Variants in SYNE4 observed in about 807,000 individuals in gnomAD.
SYNE4 encodes spectrin repeat containing nuclear envelope family member 4.
A neutral mutation model predicts 46.9 loss-of-function variants in SYNE4; 41 were observed. The ratio of observed to expected loss-of-function variants is 0.87; its 90% confidence interval spans 0.68 to 1.13. The LOEUF is 1.13. Among genes scored for constraint, SYNE4 ranks in the 50% most tolerant of loss-of-function variants. The pLI is 0.00. For missense variants in SYNE4, 492 were observed against 514.8 expected, an observed-to-expected ratio of 0.96 and a Z score of 0.43; for synonymous variants, 221 against 219.5, an observed-to-expected ratio of 1.01 and a Z score of -0.06.
chr19:36,008,640 C>A lies in SYNE4; in HGVS notation c.42G>T (p.Glu14Asp). The change falls in exon 1 of 8, where the codon GAG (glutamate) becomes GAT (aspartate). Residue 14 changes from glutamate to aspartate, a missense_variant. Glu to Asp is a conservative substitution (Grantham distance 45). Transcript: ENST00000324444. ...GTGCTCCCGGTGGGTGGTTGAGGGG[C>A]TCTGAGCCAAGTCTAGGGCCCAGAG... ...SLPLGPRLGS[E>D]PLNHPPGAPR... 6.2e-7 allele frequency: 1 copy of A among 1,613,948 alleles called. No individual in the cohort carries two copies. The highest frequency in any genetic ancestry group is 8.5e-7 in the Non-Finnish European group (1 of 1,179,906).
At chr19:36,006,192 C>A in intron 5 of SYNE4, 2 of 537,586 alleles carry the variant, frequency 3.7e-6, no homozygotes, top group Non-Finnish European at 6.1e-6. Flanking sequence ...GTGAGTGGGG[C>A]ATCATCTGGG....
rs896081870 is a variant in SYNE4 at position 36,006,950 on chromosome 19, G to A, written c.424-6C>T. The A allele has an allele frequency of 2.6e-6, 4 of 1,542,778 alleles. No homozygotes were observed. Among genetic ancestry groups the A allele is most frequent in the Non-Finnish European group, 2.6e-6 (3 of 1,142,760 alleles). On this transcript the variant is annotated splice_polypyrimidine_tract_variant and splice_region_variant and intron_variant, in intron 3 of 7. Transcript: ENST00000324444. ...CGTAGGTCCACCTGGAGGGCCTGGGGACATATGGACATCACCCCACGCACA... is the reference window on the plus strand; with the variant it reads ...CGTAGGTCCACCTGGAGGGCCTGGGAACATATGGACATCACCCCACGCACA...
At chr19:36,005,268 T>C in intron 6 of SYNE4, 65 bp downstream of exon 6, 1 of 1,511,308 alleles carries the variant, frequency 6.6e-7, no homozygotes, top group Non-Finnish European at 9.1e-7. Flanking sequence ...CCTTTTGATT[T>C]CTTGGGTTTC....
intron 5 of SYNE4, chr19:36,005,749 T>C: frequency 3.7e-6 from 1 of 269,822 alleles, no homozygotes; most frequent in African/African-American, 2.2e-5. Flanking sequence ...CCTGGTACAG[T>C]GGCTTATGCC....
chr19:36,006,404 CA>C lies in SYNE4; in HGVS notation c.867+18del, dbSNP rs1184106179. 1.3e-5 allele frequency: 21 copies of C among 1,581,226 alleles called. No homozygotes were observed. Among genetic ancestry groups the C allele is most frequent in the Non-Finnish European group, 1.6e-5 (19 of 1,162,744 alleles). On this transcript the variant is annotated intron_variant, in intron 5 of 7. Transcript: ENST00000324444. ...CCAGGGTGCCTGGCAGAAGGTCCCT[CA>C]AGGGGGTCTGCTCTCACCTCAAGGC...
Position 36,008,772 on chromosome 19 carries a change from T to A in SYNE4, c.-91A>T, listed in dbSNP as rs1198618540. The stretch of plus-strand genomic sequence containing the variant: ...GTGTCCCAGAGCTCCTCCGCTGGAG[T>A]CACCCGGGCCTGAGGCTGCAGGAGA... On this transcript the variant is annotated 5_prime_UTR_variant, in exon 1 of 8. Coordinates refer to ENST00000324444, the MANE Select transcript of SYNE4 (RefSeq NM_001039876.3). 28 of 1,472,958 alleles carry A rather than the reference T, an allele frequency of 1.9e-5. No individual in the cohort carries two copies. The East Asian group carries it at 6.0e-4, about 32-fold the overall frequency. The allele number at this position is 1,472,958 out of a possible 1,614,324, so 91.2% of individuals were successfully genotyped here. A position where few individuals can be genotyped will look rare whatever the true frequency, so the allele number is the denominator to read the frequency against.
Position 36,006,563 on chromosome 19 carries a change from TG to T in SYNE4, c.726del (p.Thr243LeufsTer27). The T allele has an allele frequency of 6.2e-7, 1 of 1,606,958 alleles. No homozygotes were observed. Among genetic ancestry groups the T allele is most frequent in the Non-Finnish European group, 8.5e-7 (1 of 1,176,696 alleles). ...VWGPWAPSSLPTSTELEWDPA... is the reference protein window; with the variant it reads ...VWGPWAPSSLXTSTELEWDPA... ...GGATCCCACTCCAACTCTGTGGAAG[TG>T]GGGAGGCTACTGGGTGCCCAGGGCC... On this transcript the variant is annotated frameshift_variant, in exon 5 of 8. Coordinates refer to ENST00000324444, the MANE Select transcript of SYNE4 (RefSeq NM_001039876.3). LOFTEE classifies it high-confidence loss of function.
At chr19:36,004,465 G>A (rs1483095504) in intron 6 of SYNE4, among the ~76,000 whole-genome samples, 2 of 152,232 alleles carry the variant, frequency 1.3e-5, no homozygotes, top group African/African-American at 4.8e-5. Flanking sequence ...ATGTCTGGTT[G>A]TGTCTGTCCT....
chr19:36,007,116 C>A lies in SYNE4; in HGVS notation c.423+9G>T. 1 of 1,595,834 alleles carries A rather than the reference C, an allele frequency of 6.3e-7. No homozygotes were observed. Among genetic ancestry groups the A allele is most frequent in the East Asian group, 2.3e-5 (1 of 43,768 alleles). On this transcript the variant is annotated intron_variant, in intron 3 of 7. Transcript: ENST00000324444. Reference sequence around the variant, plus strand: ...TGCCCACCCCCACATCCTGGCCTCTCCTGCCTACCTGCAGCTGCACCATCC... The same window carrying A: ...TGCCCACCCCCACATCCTGGCCTCTACTGCCTACCTGCAGCTGCACCATCC...
In SYNE4 at chr19:36,003,406, G is replaced by A. The variant is rs1431102137; in HGVS notation, c.1146C>T (p.Cys382=). 6.2e-7 allele frequency: 1 copy of A among 1,614,100 alleles called. No homozygotes were observed. The highest frequency in any genetic ancestry group is 2.2e-5 in the East Asian group (1 of 44,890). ...GTGTCCTGGGTATTCGGGCATGAGAGCAGCAGGGGCCTCCTGACGCGGGCA... is the reference window on the plus strand; with the variant it reads ...GTGTCCTGGGTATTCGGGCATGAGAACAGCAGGGGCCTCCTGACGCGGGCA... ...FLLPASGGPC[C]SHARIPRTPY... The change falls in exon 8 of 8, where the codon TGC becomes TGT. Residue 382 remains cysteine (C), a synonymous_variant. Coordinates refer to ENST00000324444, the MANE Select transcript of SYNE4 (RefSeq NM_001039876.3).
intron 6 of SYNE4, among the ~76,000 whole-genome samples, chr19:36,004,537 A>G (rs1248760042): frequency 6.6e-6 from 1 of 152,238 alleles, no homozygotes. Context: ...GGCGGCTGTC[A>G]TGCCTTCCAC....
At chr19:36,004,195 G>C (rs1599674828) in intron 6 of SYNE4, among the ~76,000 whole-genome samples, 1 of 152,126 alleles carries the variant, frequency 6.6e-6, no homozygotes, top group Non-Finnish European at 1.5e-5. Context: ...ATGATTTGTA[G>C]AGATGGGGGG....
chr19:36,007,912 C>T (rs527589586), intron 2 of SYNE4, among the ~76,000 whole-genome samples: 1 of 151,946 alleles, frequency 6.6e-6, no homozygotes, highest in Non-Finnish European at 1.5e-5. Context: ...GTAATCCCAG[C>T]TACTCGGGTG....
intron 6 of SYNE4, 71 bp from the exon 7 acceptor site, chr19:36,003,742 G>C: frequency 6.5e-7 from 1 of 1,548,374 alleles, no homozygotes; most frequent in Non-Finnish European, 8.7e-7. Context: ...ATTTTGAGAC[G>C]GAGTCTCACT....
At chr19:36,005,267 T>G in intron 6 of SYNE4, 66 bp downstream of exon 6, 6 of 1,509,714 alleles carry the variant, frequency 4.0e-6, no homozygotes, top group Non-Finnish European at 5.5e-6. Flanking sequence ...GCCTTTTGAT[T>G]TCTTGGGTTT....
chr19:36,005,887 T>C (rs940629704), intron 5 of SYNE4: 23 of 162,174 alleles, frequency 1.4e-4, no homozygotes, highest in African/African-American at 4.8e-4. Context: ...GGAATGGTGG[T>C]GCACACCTGT....
At chr19:36,004,866 CTTTTTTTT>C (rs59700541) in intron 6 of SYNE4, among the ~76,000 whole-genome samples, 6,427 of 90,066 alleles carry the variant, frequency 0.071, 264 homozygotes, top group African/African-American at 0.23. Context: ...TTCTTTCTTT[CTTTTTTTT>C]TTTTTTTTTT....
intron 2 of SYNE4, chr19:36,007,564 C>T: frequency 1.0e-6 from 1 of 985,296 alleles, no homozygotes; most frequent in Non-Finnish European, 1.2e-6. Context: ...AAGAATGGGG[C>T]TACACCAGGA....
chr19:36,005,563 A>G (rs1269015769), intron 5 of SYNE4, 126 bp from the exon 6 acceptor site: 1 of 737,734 alleles, frequency 1.4e-6, no homozygotes, highest in African/African-American at 1.8e-5. Flanking sequence ...AAAGAAACCA[A>G]GAGAGGAGAG....
Sources: allele counts gnomAD v4.1 joint callset (sites outside exome capture counted in the v4.1 genomes callset), GRCh38; gene constraint gnomAD v4.1.1; transcripts MANE v1.5; gene names NCBI Gene and HGNC (gene_info 2026-07-23, HGNC 2026-07-21).